Variants in PLA2G4A observed in about 807,000 individuals in gnomAD.
PLA2G4A encodes cytosolic phospholipase A2.
PLA2G4A carries 40 observed loss-of-function variants against 81.9 expected under a neutral mutation model. That is an observed-to-expected ratio of 0.49 (90% CI 0.38 to 0.64). The LOEUF (loss-of-function observed/expected upper bound fraction) is 0.64, where lower values mean the gene tolerates loss of function less well. Among genes scored for constraint, PLA2G4A ranks in the 30% least tolerant of loss-of-function variants. PLA2G4A has a pLI of 0.00. For missense variants in PLA2G4A, 715 were observed against 905.1 expected (o/e 0.79, Z 2.69); for synonymous variants, 302 against 296.9 (o/e 1.02, Z -0.18).
At position 186,863,041 on chromosome 1, in the gene PLA2G4A, A is replaced by G. The variant is rs138576334; in HGVS notation, c.34-7394A>G. 5.9e-5 allele frequency among the ~76,000 whole-genome samples: 9 copies of G among 152,330 alleles called. No individual in the cohort carries two copies. The East Asian group carries it at 1.7e-3, about 29-fold the overall frequency. On this transcript the variant is annotated intron_variant, in intron 2 of 17. Transcript: ENST00000367466. Reference sequence around the variant, plus strand: ...ATATTTGGGCAGTTGTTTCATTTCAATGTTTTAAGGATATTATAGTCACTA... The same window carrying G: ...ATATTTGGGCAGTTGTTTCATTTCAGTGTTTTAAGGATATTATAGTCACTA...
At chr1:186,846,627 A>G (rs1558355858) in intron 1 of PLA2G4A, among the ~76,000 whole-genome samples, 1 of 152,144 alleles carries the variant, frequency 6.6e-6, no homozygotes, top group Non-Finnish European at 1.5e-5. Context: ...AGTCTTTTAT[A>G]TACATTCAAT....
intron 1 of PLA2G4A, among the ~76,000 whole-genome samples, chr1:186,849,735 CTA>C (rs1456001977): frequency 6.6e-6 from 1 of 152,118 alleles, no homozygotes; most frequent in African/African-American, 2.4e-5. Flanking sequence ...TTATACAACT[CTA>C]TTTCCAATTG....
At chr1:186,885,046 T>C (rs1653884322) in intron 3 of PLA2G4A, among the ~76,000 whole-genome samples, 1 of 152,066 alleles carries the variant, frequency 6.6e-6, no homozygotes. Context: ...AGCAGAGCTT[T>C]GTCAACCTCA....
At chr1:186,927,650 C>T (rs1238194738) in intron 7 of PLA2G4A, among the ~76,000 whole-genome samples, 1 of 152,108 alleles carries the variant, frequency 6.6e-6, no homozygotes, top group Non-Finnish European at 1.5e-5. Context: ...TCAGTTTAAA[C>T]AAATAGACAG....
At chr1:186,893,699 A>G (rs1361704438) in intron 4 of PLA2G4A, among the ~76,000 whole-genome samples, 1 of 152,066 alleles carries the variant, frequency 6.6e-6, no homozygotes, top group East Asian at 1.9e-4. Context: ...CAAGGCAGGC[A>G]GATCACTTGA....
At chr1:186,923,015 C>T (rs1558441619) in intron 7 of PLA2G4A, among the ~76,000 whole-genome samples, 1 of 152,162 alleles carries the variant, frequency 6.6e-6, no homozygotes, top group Non-Finnish European at 1.5e-5. Context: ...ACTACCAGGT[C>T]CAGGGTGTAG....
At chr1:186,913,820 A>T (rs575660577) in intron 7 of PLA2G4A, among the ~76,000 whole-genome samples, 1 of 152,286 alleles carries the variant, frequency 6.6e-6, no homozygotes, top group Middle Eastern at 3.4e-3. Context: ...TACAGTTGGA[A>T]ATGAGACATA....
At chr1:186,869,584 T>G (rs1006433361) in intron 2 of PLA2G4A, among the ~76,000 whole-genome samples, 4 of 152,338 alleles carry the variant, frequency 2.6e-5, no homozygotes, top group African/African-American at 7.2e-5. Context: ...GCATTTAGAC[T>G]GTCACTGCTC....
chr1:186,875,332 A>G (rs541938005), intron 3 of PLA2G4A, among the ~76,000 whole-genome samples: 44 of 152,214 alleles, frequency 2.9e-4, no homozygotes, highest in Non-Finnish European at 4.4e-4. Context: ...AAATTCTTAT[A>G]AAAGGATGCT....
chr1:186,872,765 TA>T (rs1653328441), intron 3 of PLA2G4A, among the ~76,000 whole-genome samples: 1 of 152,098 alleles, frequency 6.6e-6, no homozygotes, highest in African/African-American at 2.4e-5. Flanking sequence ...ATATTGATAA[TA>T]TTACTAGAAG....
chr1:186,871,778 T>A (rs775554528), intron 3 of PLA2G4A, among the ~76,000 whole-genome samples: 6 of 152,100 alleles, frequency 3.9e-5, no homozygotes, highest in Non-Finnish European at 7.4e-5. Flanking sequence ...AAGTAGTAAG[T>A]CACACAACTG....
chr1:186,908,355 A>G (rs924603905), intron 6 of PLA2G4A, among the ~76,000 whole-genome samples: 3 of 152,104 alleles, frequency 2.0e-5, no homozygotes, highest in Admixed American at 2.0e-4. Context: ...TTTAAAAATT[A>G]TATATAACAG....
chr1:186,971,347 T>C (rs1041890055), intron 15 of PLA2G4A, among the ~76,000 whole-genome samples: 1 of 152,024 alleles, frequency 6.6e-6, no homozygotes, highest in African/African-American at 2.4e-5. Context: ...TCACTCCTTC[T>C]GTAGTACATA....
chr1:186,979,857 CAT>C (rs1571466009), intron 17 of PLA2G4A, among the ~76,000 whole-genome samples: 1 of 150,582 alleles, frequency 6.6e-6, no homozygotes, highest in Non-Finnish European at 1.5e-5. Context: ...AAAAATATAA[CAT>C]GAATTTTAAT....
intron 14 of PLA2G4A, among the ~76,000 whole-genome samples, chr1:186,962,127 T>TC (rs1216195628): frequency 2.6e-5 from 4 of 151,670 alleles, no homozygotes; most frequent in African/African-American, 9.7e-5. Flanking sequence ...CCTTTTTTTT[T>TC]CTACTTAATA....
At chr1:186,912,072 A>G (rs1654963753) in intron 7 of PLA2G4A, among the ~76,000 whole-genome samples, 1 of 152,130 alleles carries the variant, frequency 6.6e-6, no homozygotes, top group Non-Finnish European at 1.5e-5. Flanking sequence ...CCCTCCAAGG[A>G]TGGAATGATG....
At chr1:186,831,929 T>C (rs908712242) in intron 1 of PLA2G4A, among the ~76,000 whole-genome samples, 5 of 148,586 alleles carry the variant, frequency 3.4e-5, no homozygotes, top group African/African-American at 1.3e-4. Context: ...TTCTCCCTCA[T>C]TCATGAGATG....
At chr1:186,958,499 G>A (rs1344343445) in intron 14 of PLA2G4A, among the ~76,000 whole-genome samples, 2 of 152,092 alleles carry the variant, frequency 1.3e-5, no homozygotes, top group Non-Finnish European at 2.9e-5. Flanking sequence ...TCGATATATA[G>A]AGAATCTTCA....
At chr1:186,929,467 A>G (rs1170534944) in intron 7 of PLA2G4A, among the ~76,000 whole-genome samples, 1 of 152,202 alleles carries the variant, frequency 6.6e-6, no homozygotes, top group Non-Finnish European at 1.5e-5. Context: ...TGTAGGTGTT[A>G]CAGAATCTAG....
Sources: gnomAD v4.1 joint callset for allele counts (sites outside exome capture counted in the v4.1 genomes callset) on GRCh38, gnomAD v4.1.1 for gene constraint, MANE v1.5 for transcripts, NCBI Gene and HGNC (gene_info 2026-07-23, HGNC 2026-07-21) for gene names.